Variants in USP32 observed in about 807,000 individuals in gnomAD.
USP32 encodes ubiquitin carboxyl-terminal hydrolase 32.
A neutral mutation model predicts 204.8 loss-of-function variants in USP32; 59 were observed. That is an observed-to-expected ratio of 0.29 (90% CI 0.23 to 0.36). The LOEUF (loss-of-function observed/expected upper bound fraction) is 0.36, where lower values mean the gene tolerates loss of function less well. Ranked by LOEUF, USP32 falls within the 10% of genes least tolerant of loss-of-function variation. USP32 has a pLI of 1.00. For missense variants in USP32, 1,160 were observed against 1,946.4 expected, an observed-to-expected ratio of 0.60 and a Z score of 7.60; for synonymous variants, 517 against 678.4, an observed-to-expected ratio of 0.76 and a Z score of 3.70.
In USP32 at chr17:60,282,533, T is replaced by C. The variant is rs188338286; in HGVS notation, c.571+5990A>G. Among the ~76,000 whole-genome samples the C allele has an allele frequency of 1.2e-4, 19 of 152,290 alleles. No individual in the cohort carries two copies. The East Asian group carries it at 3.1e-3, about 25-fold the overall frequency. On this transcript the variant is annotated intron_variant, in intron 5 of 33. Coordinates refer to ENST00000300896, the MANE Select transcript of USP32 (RefSeq NM_032582.4). ...TACACCCGGCTAATTTTTGTACTTT[T>C]AGTAGAGACAGGGTTTCCTCATGTT...
chr17:60,419,092 T>C (rs540143183), intron 1 of USP32, among the ~76,000 whole-genome samples: 1 of 152,168 alleles, frequency 6.6e-6, no homozygotes, highest in African/African-American at 2.4e-5. Context: ...CTATTCACAA[T>C]AGCAAAGACA....
intron 26 of USP32, among the ~76,000 whole-genome samples, chr17:60,199,845 T>C (rs1803555543): frequency 6.6e-6 from 1 of 152,202 alleles, no homozygotes; most frequent in African/African-American, 2.4e-5. Context: ...CTAGGGCCCA[T>C]ACTTTCTCAG....
chr17:60,315,260 C>A (rs1356444515), intron 2 of USP32, among the ~76,000 whole-genome samples: 2 of 151,966 alleles, frequency 1.3e-5, no homozygotes, highest in African/African-American at 4.8e-5. Context: ...ATTAGCCAGG[C>A]GTGGCGGTGT....
chr17:60,205,400 A>G, intron 26 of USP32, 47 bp downstream of exon 26: 1 of 1,588,682 alleles, frequency 6.3e-7, no homozygotes, highest in Non-Finnish European at 8.6e-7. Context: ...CTATTTCACA[A>G]ATGACACTAG....
chr17:60,298,198 T>G (rs1489097919), intron 3 of USP32, among the ~76,000 whole-genome samples: 2 of 152,176 alleles, frequency 1.3e-5, no homozygotes, highest in Non-Finnish European at 2.9e-5. Context: ...CAGGAACCAC[T>G]TCATGAATAT....
At chr17:60,252,713 G>C (rs138175986) in intron 10 of USP32, among the ~76,000 whole-genome samples, 16 of 152,220 alleles carry the variant, frequency 1.1e-4, no homozygotes, top group Non-Finnish European at 1.9e-4. Context: ...GAAAGGGGAA[G>C]ACATTACCTC....
At chr17:60,314,766 A>C (rs1318799003) in intron 2 of USP32, among the ~76,000 whole-genome samples, 1 of 152,194 alleles carries the variant, frequency 6.6e-6, no homozygotes, top group African/African-American at 2.4e-5. Flanking sequence ...AGATAAACAA[A>C]ACCAAACAAA....
chr17:60,402,651 G>C lies in USP32; in HGVS notation c.106+19595C>G, dbSNP rs80228045. ...TACATGAGTATACCTGTGCTACTGT[G>C]ATTCTGGGTTGTCATTGCTTCATAA... On this transcript the variant is annotated intron_variant, in intron 1 of 3. Coordinates refer to the USP32 transcript ENST00000588898. 5.0e-3 allele frequency among the ~76,000 whole-genome samples: 762 copies of C among 152,320 alleles called. 3 individuals carry two copies. Among genetic ancestry groups the C allele is most frequent in the Admixed American group, 7.6e-3 (117 of 15,302 alleles).
intron 27 of USP32, among the ~76,000 whole-genome samples, chr17:60,194,998 C>G (rs1200925771): frequency 6.6e-6 from 1 of 152,206 alleles, no homozygotes. Flanking sequence ...GAGAACTATA[C>G]AATGAACATC....
intron 5 of USP32, among the ~76,000 whole-genome samples, chr17:60,286,556 A>C (rs1488801526): frequency 6.6e-6 from 1 of 152,190 alleles, no homozygotes; most frequent in African/African-American, 2.4e-5. Context: ...CGAGGGGCCT[A>C]GGGGTCCCTG....
intron 2 of USP32, among the ~76,000 whole-genome samples, chr17:60,310,154 C>G (rs2087820779): frequency 6.6e-6 from 1 of 152,152 alleles, no homozygotes; most frequent in Non-Finnish European, 1.5e-5. Context: ...TAAACTAGTA[C>G]AGCCATTGTG....
chr17:60,417,106 C>G (rs1022694786), intron 1 of USP32, among the ~76,000 whole-genome samples: 1 of 151,964 alleles, frequency 6.6e-6, no homozygotes, highest in Non-Finnish European at 1.5e-5. Flanking sequence ...TTAGTAGAGA[C>G]TGGTTTTAAC....
chr17:60,242,142 A>G (rs891666089), intron 11 of USP32, among the ~76,000 whole-genome samples: 5 of 152,086 alleles, frequency 3.3e-5, no homozygotes, highest in African/African-American at 9.7e-5. Flanking sequence ...GAATCTTGCT[A>G]TGTTGTACAG....
At chr17:60,401,215 G>T (rs2089932308) in intron 1 of USP32, among the ~76,000 whole-genome samples, 1 of 151,250 alleles carries the variant, frequency 6.6e-6, no homozygotes, top group African/African-American at 2.4e-5. Context: ...CAGCACTTTG[G>T]GGGGCCAAGG....
At chr17:60,251,733 C>T (rs1027911105) in intron 11 of USP32, among the ~76,000 whole-genome samples, 2 of 151,894 alleles carry the variant, frequency 1.3e-5, no homozygotes, top group Admixed American at 6.6e-5. Context: ...GTAATTTATC[C>T]TAAAGTAAAT....
chr17:60,196,657 T>A (rs1360716578), intron 27 of USP32, among the ~76,000 whole-genome samples: 10 of 151,858 alleles, frequency 6.6e-5, no homozygotes, highest in Non-Finnish European at 2.9e-5. Flanking sequence ...AAACCCTGTC[T>A]GTACTAAAAA....
At chr17:60,214,955 T>TTTTGTTTGTTTG (rs113909630) in intron 16 of USP32, among the ~76,000 whole-genome samples, 181 bp from the exon 17 acceptor site, 31 of 151,810 alleles carry the variant, frequency 2.0e-4, no homozygotes, top group South Asian at 6.2e-4. Flanking sequence ...CCCAAGTTCT[T>TTTTGTTTGTTTG]TTTGTTTGTT....
At chr17:60,378,597 T>G (rs1024932723) in intron 1 of USP32, among the ~76,000 whole-genome samples, 3 of 152,116 alleles carry the variant, frequency 2.0e-5, no homozygotes, top group African/African-American at 7.2e-5. Context: ...TATATACAAA[T>G]TATTCAGTCA....
chr17:60,202,475 A>ACACACACACACG (rs1240530817), intron 26 of USP32, among the ~76,000 whole-genome samples: 1 of 151,812 alleles, frequency 6.6e-6, no homozygotes, highest in African/African-American at 2.4e-5. Flanking sequence ...ACACACACAC[A>ACACACACACACG]CACGCAGACT....
Sources: allele counts gnomAD v4.1 joint callset (sites outside exome capture counted in the v4.1 genomes callset), GRCh38; gene constraint gnomAD v4.1.1; transcripts MANE v1.5; gene names NCBI Gene and HGNC (gene_info 2026-07-23, HGNC 2026-07-21).